The following DCUN1D4 variants were observed in gnomAD, a reference collection of about 807,000 sequenced individuals.
DCUN1D4 encodes the protein defective in cullin neddylation 1 domain containing 4.
DCUN1D4 carries 22 observed loss-of-function variants against 47.9 expected under a neutral mutation model. That is an observed-to-expected ratio of 0.46 (90% CI 0.33 to 0.66). DCUN1D4 has a LOEUF of 0.66. Ranked by LOEUF, DCUN1D4 falls within the 30% of genes least tolerant of loss-of-function variation. DCUN1D4 has a pLI of 0.02. For synonymous variants in DCUN1D4, 121 were observed against 112.2 expected, an observed-to-expected ratio of 1.08 and a Z score of -0.50; for missense variants, 301 against 340.8, an observed-to-expected ratio of 0.88 and a Z score of 0.92.
chr4:51,899,155 G>C, intron 7 of DCUN1D4, 115 bp from the exon 8 acceptor site: 1 of 1,400,876 alleles, frequency 7.1e-7, no homozygotes. Context: ...TTATGGATGT[G>C]TTTCAACTTC....
rs1734034136 is a variant in DCUN1D4 at position 51,913,703 on chromosome 4, G to A, written c.*119G>A. On this transcript the variant is annotated 3_prime_UTR_variant, in exon 11 of 11. Transcript: ENST00000334635. The stretch of plus-strand genomic sequence containing the variant: ...CTCTTGCACTGTTTCCCTTTCGCAG[G>A]GACATGTTGGTGTTTGCTATTGAAT... 2 of 900,644 alleles carry A rather than the reference G, an allele frequency of 2.2e-6. No individual in the cohort carries two copies. Among genetic ancestry groups the A allele is most frequent in the Admixed American group, 2.0e-5 (1 of 50,088 alleles). The allele number at this position is 900,644 out of a possible 1,614,324, so 55.8% of individuals were successfully genotyped here.
intron 1 of DCUN1D4, among the ~76,000 whole-genome samples, chr4:51,849,141 T>A (rs1722983978): frequency 6.6e-6 from 1 of 152,180 alleles, no homozygotes; most frequent in Non-Finnish European, 1.5e-5. Flanking sequence ...TGACTCTTGG[T>A]CTGATTGGAG....
chr4:51,906,004 A>T (rs1361797753), intron 8 of DCUN1D4, among the ~76,000 whole-genome samples: 2 of 152,190 alleles, frequency 1.3e-5, no homozygotes, highest in African/African-American at 4.8e-5. Flanking sequence ...GCCTTTCAGG[A>T]GAAGGGGAAC....
At chr4:51,861,042 A>C (rs779129884) in intron 1 of DCUN1D4, among the ~76,000 whole-genome samples, 2 of 152,228 alleles carry the variant, frequency 1.3e-5, no homozygotes, top group Non-Finnish European at 2.9e-5. Context: ...AGCACTTACT[A>C]TCTTCCAGGT....
intron 8 of DCUN1D4, among the ~76,000 whole-genome samples, chr4:51,907,011 C>T (rs895750524): frequency 6.6e-5 from 10 of 152,308 alleles, no homozygotes; most frequent in African/African-American, 1.9e-4. Flanking sequence ...GTGTAAGGCA[C>T]TTAGAACAGT....
At chr4:51,905,175 G>T (rs1481980009) in intron 8 of DCUN1D4, 2 of 452,830 alleles carry the variant, frequency 4.4e-6, no homozygotes, top group Admixed American at 4.7e-5. Flanking sequence ...TCTTTGACTT[G>T]AACTTATTTA....
At chr4:51,837,043 C>T in the DCUN1D4 span, among the ~76,000 whole-genome samples, 1 of 152,172 alleles carries the variant, frequency 6.6e-6, no homozygotes, top group African/African-American at 2.4e-5. Context: ...TGAAACAATG[C>T]TATATTTATG....
chr4:51,857,713 C>T (rs546975714), intron 1 of DCUN1D4, among the ~76,000 whole-genome samples: 6 of 152,312 alleles, frequency 3.9e-5, no homozygotes, highest in South Asian at 2.1e-4. Context: ...TAAATCTAAA[C>T]GCTCAAGCAG....
At chr4:51,834,114 C>CTTTTTTTT in the DCUN1D4 span, among the ~76,000 whole-genome samples, 82 of 37,194 alleles carry the variant, frequency 2.2e-3, 11 homozygotes, top group African/African-American at 7.7e-3. Context: ...TTTTTTTTTT[C>CTTTTTTTT]TTTTTTTTTT....
At chr4:51,834,335 T>C in the DCUN1D4 span, among the ~76,000 whole-genome samples, 1 of 151,576 alleles carries the variant, frequency 6.6e-6, no homozygotes, top group East Asian at 2.0e-4. Context: ...GGGTCTATAC[T>C]TCGTATGTGT....
intron 1 of DCUN1D4, chr4:51,845,151 A>C: frequency 1.0e-6 from 1 of 985,494 alleles, no homozygotes; most frequent in Non-Finnish European, 1.2e-6. Context: ...AATGTAAAGC[A>C]GCCTTTAGAA....
At chr4:51,843,392 C>T in intron 1 of DCUN1D4, 125 bp downstream of exon 1, 6 of 1,314,336 alleles carry the variant, frequency 4.6e-6, no homozygotes, top group Non-Finnish European at 5.9e-6. Context: ...GCCTGGGAAC[C>T]ACCCCTTCCC....
upstream of DCUN1D4, among the ~76,000 whole-genome samples, chr4:51,838,034 G>T (rs182575841): frequency 1.3e-5 from 2 of 152,060 alleles, no homozygotes; most frequent in Non-Finnish European, 2.9e-5. Context: ...AAAATTAGCC[G>T]GGCATGGTGG....
At chr4:51,869,465 C>T (rs369774499) in intron 3 of DCUN1D4, among the ~76,000 whole-genome samples, 6 of 152,142 alleles carry the variant, frequency 3.9e-5, no homozygotes, top group African/African-American at 4.8e-5. Context: ...ATACAATCAG[C>T]TCACTAAAAT....
chr4:51,836,822 A>G, the DCUN1D4 span, among the ~76,000 whole-genome samples: 699 of 152,262 alleles, frequency 4.6e-3, 14 homozygotes, highest in Non-Finnish European at 1.7e-3. Context: ...TCACTTTGCC[A>G]TAATGAGATG....
intron 1 of DCUN1D4, among the ~76,000 whole-genome samples, chr4:51,859,755 G>C (rs1443693692): frequency 6.6e-6 from 1 of 151,406 alleles, no homozygotes; most frequent in Non-Finnish European, 1.5e-5. Context: ...CAAGCAGGCT[G>C]TGCCTTTGTA....
At position 51,913,765 on chromosome 4, in the gene DCUN1D4, G is replaced by C; in HGVS notation, c.*181G>C. 1.8e-6 allele frequency: 1 copy of C among 561,918 alleles called. No homozygotes were observed. The highest frequency in any genetic ancestry group is 3.1e-6 in the Non-Finnish European group (1 of 323,192). 34.8% of individuals were successfully genotyped at this position (561,918 alleles called of 1,614,324 possible). ...GCTTGCTGTGTGGCATTGTTCTCTT[G>C]GAAGGCTGCTTTGCAGTTTGTATTT... On this transcript the variant is annotated 3_prime_UTR_variant, in exon 11 of 11. Coordinates refer to ENST00000334635, the MANE Select transcript of DCUN1D4 (RefSeq NM_001040402.3).
chr4:51,891,570 G>A (rs994862673), intron 6 of DCUN1D4, among the ~76,000 whole-genome samples, 190 bp from the exon 7 acceptor site: 1 of 152,114 alleles, frequency 6.6e-6, no homozygotes, highest in African/African-American at 2.4e-5. Flanking sequence ...AGACTATATT[G>A]TCAACTTTTT....
chr4:51,875,829 G>A (rs1577939600), intron 4 of DCUN1D4, among the ~76,000 whole-genome samples: 1 of 152,250 alleles, frequency 6.6e-6, no homozygotes, highest in East Asian at 1.9e-4. Flanking sequence ...TCCGTTGTAT[G>A]CTCTTGGTTC....
Sources: allele counts gnomAD v4.1 joint callset (sites outside exome capture counted in the v4.1 genomes callset), GRCh38; gene constraint gnomAD v4.1.1; transcripts MANE v1.5; gene names NCBI Gene and HGNC (gene_info 2026-07-23, HGNC 2026-07-21).